Variants in CCDC39 observed in about 807,000 individuals in gnomAD.
CCDC39 encodes the protein coiled-coil domain-containing protein 39.
In CCDC39, 113 loss-of-function variants were observed where a neutral mutation model predicts 121.0. The ratio of observed to expected loss-of-function variants is 0.93; its 90% CI spans 0.80 to 1.09. CCDC39 has a LOEUF of 1.09. Among genes scored for constraint, CCDC39 ranks in the 50% least tolerant of loss-of-function variants. The pLI is 0.00. For missense variants in CCDC39, 1,063 were observed against 1,074.7 expected (o/e 0.99, Z 0.15); for synonymous variants, 349 against 352.2 (o/e 0.99, Z 0.10).
At chr3:180,650,782 G>A (rs1346044908) in intron 9 of CCDC39, among the ~76,000 whole-genome samples, 1 of 151,922 alleles carries the variant, frequency 6.6e-6, no homozygotes, top group East Asian at 1.9e-4. Context: ...ACTTGAACCT[G>A]TGAGGTGGAG....
Position 180,644,120 on chromosome 3 carries a change from C to T in CCDC39, c.1665G>A (p.Gln555=). ...KELDKAKGFK[Q]DLMIEDNLLK... is the part of the protein sequence containing the mutation. Reference sequence around the variant, plus strand: ...ACATATGCATACAATTTTACTGCACCTGCTTAAAACCTTTGGCTTTATCAA... The same window carrying T: ...ACATATGCATACAATTTTACTGCACTTGCTTAAAACCTTTGGCTTTATCAA... Residue 555 remains glutamine (Q), a splice_region_variant and synonymous_variant, in exon 12 of 20, where the codon CAG becomes CAA. Transcript: ENST00000476379. 1.3e-6 allele frequency: 2 copies of T among 1,535,970 alleles called. No homozygotes were observed. Among genetic ancestry groups the T allele is most frequent in the African/African-American group, 1.4e-5 (1 of 72,470 alleles).
chr3:180,651,286 T>C lies in CCDC39; in HGVS notation c.1167+115A>G, dbSNP rs138901323. On this transcript the variant is annotated intron_variant, in intron 9 of 19. Coordinates refer to ENST00000476379, the MANE Select transcript of CCDC39 (RefSeq NM_181426.2). ...CAAAACCAGATTATAAATGTGATCA[T>C]ACCAAAAAGCAGAGCTTCTTACAAG... The C allele has an allele frequency of 3.1e-5, 25 of 799,434 alleles. No homozygotes were observed. In the African/African-American group the frequency reaches 3.5e-4, roughly 11 times the overall value. 49.5% of individuals were successfully genotyped at this position (799,434 alleles called of 1,614,324 possible).
chr3:180,660,426 G>T, intron 4 of CCDC39, 144 bp downstream of exon 4: 2 of 602,482 alleles, frequency 3.3e-6, no homozygotes, highest in African/African-American at 1.9e-5. Context: ...GAAGACATTT[G>T]GCTTTATTAG....
At chr3:180,660,439 T>A in intron 4 of CCDC39, 131 bp downstream of exon 4, 1 of 724,872 alleles carries the variant, frequency 1.4e-6, no homozygotes, top group Non-Finnish European at 2.1e-6. Context: ...TTTATTAGCT[T>A]CTCCAAGAAG....
intron 14 of CCDC39, among the ~76,000 whole-genome samples, chr3:180,625,348 C>CTTTTTTTT (rs1177536800): frequency 8.2e-6 from 1 of 122,350 alleles, no homozygotes; most frequent in African/African-American, 3.0e-5. Flanking sequence ...GTCTATTTTT[C>CTTTTTTTT]TTTTTTTTTT....
intron 1 of CCDC39, among the ~76,000 whole-genome samples, chr3:180,668,556 T>C (rs1463761606): frequency 6.6e-6 from 1 of 152,178 alleles, no homozygotes; most frequent in East Asian, 1.9e-4. Context: ...GCCCACTTAA[T>C]TCAATACAGT....
intron 14 of CCDC39, among the ~76,000 whole-genome samples, chr3:180,626,437 G>A (rs1422574681): frequency 6.6e-6 from 1 of 152,080 alleles, no homozygotes; most frequent in African/African-American, 2.4e-5. Context: ...TGTGGTGGCT[G>A]TGCTGTAGGC....
chr3:180,629,294 C>T (rs940825555), intron 14 of CCDC39, among the ~76,000 whole-genome samples: 30 of 152,202 alleles, frequency 2.0e-4, no homozygotes, highest in Admixed American at 3.9e-4. Flanking sequence ...GTGTAATAAA[C>T]TTCAGTGCTT....
intron 9 of CCDC39, among the ~76,000 whole-genome samples, chr3:180,649,052 G>A (rs1718139774): frequency 1.3e-5 from 2 of 151,994 alleles, no homozygotes; most frequent in Admixed American, 1.3e-4. Context: ...TTTTGTAAAC[G>A]CTATTTATTT....
At position 180,619,973 on chromosome 3, in the gene CCDC39, A is replaced by G. The variant is rs758649358; in HGVS notation, c.1999-3T>C. 1.7e-5 allele frequency: 27 copies of G among 1,599,580 alleles called. No homozygotes were observed. In the South Asian group the frequency reaches 2.2e-4, roughly 13 times the overall value. ...AGTTCTTCTTTTTCTTGAGCAGCCT[A>G]TGAAGTACAGAATAGAACTGGTTGA... On this transcript the variant is annotated splice_region_variant and splice_polypyrimidine_tract_variant and intron_variant, in intron 14 of 19. Transcript: ENST00000476379.
At chr3:180,663,146 C>G (rs1224271471) in intron 2 of CCDC39, among the ~76,000 whole-genome samples, 1 of 152,068 alleles carries the variant, frequency 6.6e-6, no homozygotes, top group African/African-American at 2.4e-5. Flanking sequence ...TTTTTAATCT[C>G]AGGATTATTA....
At position 180,619,338 on chromosome 3, in the gene CCDC39, A is replaced by G. The variant is rs951299019; in HGVS notation, c.2186T>C (p.Leu729Pro). Residue 729 changes from leucine to proline, a missense_variant, in exon 16 of 20, where the codon CTA becomes CCA. Leu to Pro is a moderately conservative substitution (Grantham distance 98). Coordinates refer to ENST00000476379, the MANE Select transcript of CCDC39 (RefSeq NM_181426.2). Reference sequence around the variant, plus strand: ...ATCAACAGCTCTTTTTTGTTCTTCTAGTTGAATTTTTAGCTCATACTCATC... The same window carrying G: ...ATCAACAGCTCTTTTTTGTTCTTCTGGTTGAATTTTTAGCTCATACTCATC... The part of the protein sequence containing the change: ...SSDEYELKIQ[L>P]EEQKRAVDEK... The G allele has an allele frequency of 6.5e-7, 1 of 1,538,400 alleles. No individual in the cohort carries two copies. The highest frequency in any genetic ancestry group is 8.8e-7 in the Non-Finnish European group (1 of 1,136,496).
intron 1 of CCDC39, among the ~76,000 whole-genome samples, chr3:180,675,145 C>T (rs1712159278): frequency 6.6e-6 from 1 of 152,096 alleles, no homozygotes; most frequent in Admixed American, 6.5e-5. Context: ...TTAATTATTG[C>T]CTCAATTTCA....
rs796378817 is a variant in CCDC39 at position 180,624,069 on chromosome 3, T to C, written c.1999-4099A>G. ...TTGTCTTGCTCTTTCTTTATTTCAA[T>C]CTGGTAATGCTTGTTTTATGAATCT... On this transcript the variant is annotated intron_variant, in intron 14 of 19. Coordinates refer to ENST00000476379, the MANE Select transcript of CCDC39 (RefSeq NM_181426.2). Among the ~76,000 whole-genome samples the C allele has an allele frequency of 1.3e-4, 20 of 152,274 alleles. 2 individuals carry two copies. The highest frequency in any genetic ancestry group is 4.8e-4 in the African/African-American group (20 of 41,574).
At chr3:180,632,402 C>G (rs994142160) in intron 13 of CCDC39, among the ~76,000 whole-genome samples, 1 of 152,120 alleles carries the variant, frequency 6.6e-6, no homozygotes, top group African/African-American at 2.4e-5. Flanking sequence ...CAAGTAAGCT[C>G]TCTAACCATG....
chr3:180,621,815 T>C (rs887550779), intron 14 of CCDC39, among the ~76,000 whole-genome samples: 24 of 152,176 alleles, frequency 1.6e-4, no homozygotes, highest in African/African-American at 5.8e-4. Flanking sequence ...GTACCATTGA[T>C]GTTTTGGTTA....
Position 180,614,635 on chromosome 3 carries a change from G to C in CCDC39, c.*286C>G, listed in dbSNP as rs927236593. 1 of 285,020 alleles carries C rather than the reference G, an allele frequency of 3.5e-6. No homozygotes were observed. Among genetic ancestry groups the C allele is most frequent in the African/African-American group, 2.2e-5 (1 of 44,508 alleles). The allele number at this position is 285,020 out of a possible 1,614,324, so 17.7% of individuals were successfully genotyped here. ...GAGTGTAGTTTCGTGAAATAATGAA[G>C]CAAACTATTTTCTAACACTACGAAC... On this transcript the variant is annotated 3_prime_UTR_variant, in exon 20 of 20. Transcript: ENST00000476379.
chr3:180,660,502 T>G, intron 4 of CCDC39, 68 bp downstream of exon 4: 4 of 1,341,824 alleles, frequency 3.0e-6, no homozygotes, highest in Non-Finnish European at 4.0e-6. Context: ...AAGTATAACT[T>G]TAGGTAAATA....
chr3:180,637,342 A>T (rs1717853691), intron 13 of CCDC39, among the ~76,000 whole-genome samples: 1 of 152,150 alleles, frequency 6.6e-6, no homozygotes, highest in African/African-American at 2.4e-5. Flanking sequence ...GATCTTTAGA[A>T]AAATGCAAAT....
Sources: gnomAD v4.1 joint callset for allele counts (sites outside exome capture counted in the v4.1 genomes callset) on GRCh38, gnomAD v4.1.1 for gene constraint, MANE v1.5 for transcripts, NCBI Gene and HGNC (gene_info 2026-07-23, HGNC 2026-07-21) for gene names.